Variants in EPHA6 observed in about 807,000 individuals in gnomAD.
EPHA6 encodes the protein EPH receptor A6, also known as ephrin type-A receptor 6.
Under a neutral mutation model 112.0 loss-of-function variants are expected in EPHA6, and 50 were observed. That is an observed-to-expected ratio of 0.45 (90% CI 0.36 to 0.56). EPHA6 has a LOEUF of 0.56. Ranked by LOEUF, EPHA6 falls within the 20% of genes least tolerant of loss-of-function variation. The pLI, the probability that EPHA6 is intolerant of heterozygous loss-of-function variation, is 0.00. For synonymous variants in EPHA6, 529 were observed against 490.7 expected, an observed-to-expected ratio of 1.08 and a Z score of -1.03; for missense variants, 1,280 against 1,417.4, an observed-to-expected ratio of 0.90 and a Z score of 1.56.
At chr3:97,710,813 C>T (rs774575813) in intron 14 of EPHA6, among the ~76,000 whole-genome samples, 7 of 152,174 alleles carry the variant, frequency 4.6e-5, no homozygotes, top group Non-Finnish European at 8.8e-5. Context: ...TGAGAATCAC[C>T]CTTGTGTATA....
At chr3:97,211,514 T>G (rs754880171) in intron 3 of EPHA6, among the ~76,000 whole-genome samples, 17 of 152,182 alleles carry the variant, frequency 1.1e-4, no homozygotes, top group South Asian at 4.1e-4. Context: ...ATCTGGTGTC[T>G]GGTGAGTACC....
intron 5 of EPHA6, among the ~76,000 whole-genome samples, chr3:97,287,356 T>G (rs554081329): frequency 6.6e-6 from 1 of 151,928 alleles, no homozygotes; most frequent in African/African-American, 2.4e-5. Flanking sequence ...CATCTCTTCA[T>G]GATAAAAAAA....
At chr3:97,287,625 G>C (rs1216617711) in intron 5 of EPHA6, among the ~76,000 whole-genome samples, 2 of 152,124 alleles carry the variant, frequency 1.3e-5, no homozygotes, top group Non-Finnish European at 2.9e-5. Context: ...ATCATGAAGG[G>C]ATGTTAAATT....
At chr3:97,460,717 A>C (rs942079308) in intron 7 of EPHA6, among the ~76,000 whole-genome samples, 5 of 152,170 alleles carry the variant, frequency 3.3e-5, no homozygotes, top group African/African-American at 1.2e-4. Context: ...ACAAAGACCC[A>C]TGCCCATTGT....
intron 14 of EPHA6, among the ~76,000 whole-genome samples, chr3:97,668,724 G>T (rs934976391): frequency 5.2e-4 from 78 of 151,440 alleles, no homozygotes; most frequent in African/African-American, 1.8e-3. Flanking sequence ...GACCAGCCTG[G>T]GCAACATGGC....
intron 15 of EPHA6, among the ~76,000 whole-genome samples, chr3:97,730,088 T>A (rs1188005243): frequency 1.3e-5 from 2 of 152,110 alleles, no homozygotes; most frequent in East Asian, 3.9e-4. Flanking sequence ...AAAAATGTGA[T>A]ACCCTGCACA....
intron 5 of EPHA6, among the ~76,000 whole-genome samples, chr3:97,290,046 G>A (rs1461458241): frequency 6.6e-6 from 1 of 152,040 alleles, no homozygotes; most frequent in Non-Finnish European, 1.5e-5. Flanking sequence ...TAGGTGTGAT[G>A]TTAGATTGTT....
intron 14 of EPHA6, among the ~76,000 whole-genome samples, chr3:97,663,153 G>T (rs1224102994): frequency 6.6e-6 from 1 of 152,130 alleles, no homozygotes; most frequent in Non-Finnish European, 1.5e-5. Flanking sequence ...GTAGGACAAA[G>T]GGGAAGGAAA....
Position 97,448,594 on chromosome 3 carries a change from C to T in EPHA6, c.1758C>T (p.Ser586=). ...EKEHEQLTYS[S]TRSKAPSVII... Reference sequence around the variant, plus strand: ...AACATGAGCAGCTGACCTACTCTTCCACAAGGTCCAAAGCCCCCAGTGTCA... The same window carrying T: ...AACATGAGCAGCTGACCTACTCTTCTACAAGGTCCAAAGCCCCCAGTGTCA... Residue 586 remains serine (S), a synonymous_variant, in exon 7 of 18, where the codon TCC becomes TCT. Coordinates refer to ENST00000389672, the MANE Select transcript of EPHA6 (RefSeq NM_001080448.3). 1 of 1,613,378 alleles carries T rather than the reference C, an allele frequency of 6.2e-7. No individual in the cohort carries two copies. Among genetic ancestry groups the T allele is most frequent in the Non-Finnish European group, 8.5e-7 (1 of 1,179,504 alleles).
intron 3 of EPHA6, among the ~76,000 whole-genome samples, chr3:97,060,389 A>T (rs1034644088): frequency 6.6e-6 from 1 of 152,196 alleles, no homozygotes; most frequent in South Asian, 2.1e-4. Flanking sequence ...AATAAAAAGT[A>T]ATTTCATCAT....
chr3:96,849,966 A>G (rs1030839578), intron 1 of EPHA6, among the ~76,000 whole-genome samples: 4 of 152,204 alleles, frequency 2.6e-5, no homozygotes, highest in Non-Finnish European at 4.4e-5. Context: ...AATGAGATTC[A>G]TAAACTGAGA....
intron 2 of EPHA6, among the ~76,000 whole-genome samples, chr3:96,873,853 G>A (rs2036783864): frequency 6.6e-6 from 1 of 152,106 alleles, no homozygotes; most frequent in Non-Finnish European, 1.5e-5. Context: ...TGTGTCATGA[G>A]TCTGTAAAAG....
At chr3:96,819,869 T>C (rs1346684145) in intron 1 of EPHA6, among the ~76,000 whole-genome samples, 1 of 152,040 alleles carries the variant, frequency 6.6e-6, no homozygotes, top group African/African-American at 2.4e-5. Flanking sequence ...CTCATGATAT[T>C]TGGGTAAGTA....
intron 5 of EPHA6, among the ~76,000 whole-genome samples, chr3:97,392,232 C>T (rs1466164191): frequency 6.6e-6 from 1 of 151,716 alleles, no homozygotes; most frequent in Admixed American, 6.6e-5. Context: ...TACGTAGGCT[C>T]TTTGGAATAA....
chr3:96,866,516 G>A (rs1351005344), intron 1 of EPHA6, among the ~76,000 whole-genome samples: 1 of 151,798 alleles, frequency 6.6e-6, no homozygotes, highest in Non-Finnish European at 1.5e-5. Flanking sequence ...AGCAAAGGTA[G>A]TTATTTTATC....
intron 2 of EPHA6, among the ~76,000 whole-genome samples, chr3:96,885,222 G>T: frequency 6.6e-6 from 1 of 152,036 alleles, no homozygotes; most frequent in South Asian, 2.1e-4. Context: ...TTGGTATTAG[G>T]GTGATGCTGG....
At chr3:96,924,371 T>A (rs1192678521) in intron 2 of EPHA6, among the ~76,000 whole-genome samples, 1 of 152,170 alleles carries the variant, frequency 6.6e-6, no homozygotes, top group African/African-American at 2.4e-5. Flanking sequence ...ACTTCCCTTA[T>A]TAGCTGCATT....
chr3:97,468,844 A>G (rs1037079502), intron 7 of EPHA6, among the ~76,000 whole-genome samples: 5 of 151,740 alleles, frequency 3.3e-5, no homozygotes, highest in Non-Finnish European at 7.4e-5. Flanking sequence ...TGTATGGCTT[A>G]TACTAATCCC....
At chr3:97,202,495 C>G (rs369898386) in intron 3 of EPHA6, among the ~76,000 whole-genome samples, 65 of 150,402 alleles carry the variant, frequency 4.3e-4, no homozygotes, top group African/African-American at 1.6e-3. Flanking sequence ...CCATGCCCGG[C>G]TAGGTTTTTT....
Sources: gnomAD v4.1 joint callset for allele counts (sites outside exome capture counted in the v4.1 genomes callset) on GRCh38, gnomAD v4.1.1 for gene constraint, MANE v1.5 for transcripts, NCBI Gene and HGNC (gene_info 2026-07-23, HGNC 2026-07-21) for gene names.